Variants in ZNRF1 observed in about 807,000 individuals in gnomAD.
ZNRF1 encodes zinc and ring finger 1, also known as E3 ubiquitin-protein ligase ZNRF1.
Under a neutral mutation model 18.4 loss-of-function variants are expected in ZNRF1, and 3 were observed. The ratio of observed to expected loss-of-function variants is 0.16; its 90% confidence interval spans 0.07 to 0.42. The LOEUF (loss-of-function observed/expected upper bound fraction) is 0.42, where lower values mean the gene tolerates loss of function less well. Ranked by LOEUF, ZNRF1 falls within the 10% of genes least tolerant of loss-of-function variation. ZNRF1 has a pLI of 0.99. For missense variants in ZNRF1, 310 were observed against 329.8 expected (o/e 0.94, Z 0.47); for synonymous variants, 157 against 144.2 (o/e 1.09, Z -0.64).
intron 1 of ZNRF1, among the ~76,000 whole-genome samples, chr16:75,053,170 G>C (rs2035626965): frequency 6.6e-6 from 1 of 152,110 alleles, no homozygotes. Context: ...TAATAAAACT[G>C]GTTCAGGTGG....
intron 1 of ZNRF1, among the ~76,000 whole-genome samples, chr16:75,031,593 A>T (rs2035304778): frequency 6.6e-6 from 1 of 151,606 alleles, no homozygotes; most frequent in African/African-American, 2.4e-5. Flanking sequence ...CTGCAGCCTG[A>T]CCTCCAAAGC....
chr16:75,085,791 TGA>T (rs71378737), intron 1 of ZNRF1, among the ~76,000 whole-genome samples: 4,025 of 139,150 alleles, frequency 0.029, 127 homozygotes, highest in African/African-American at 0.087. Flanking sequence ...TCCGACAGAG[TGA>T]GAGAGAGAGA....
At chr16:75,104,440 T>G in intron 2 of ZNRF1, 1 of 213,848 alleles carries the variant, frequency 4.7e-6, no homozygotes, top group Non-Finnish European at 9.5e-6. Flanking sequence ...ACGTGTGTGT[T>G]TAGGAAAGCA....
intron 1 of ZNRF1, among the ~76,000 whole-genome samples, chr16:75,079,729 A>G (rs2035987049): frequency 6.6e-6 from 1 of 152,080 alleles, no homozygotes; most frequent in African/African-American, 2.4e-5. Flanking sequence ...TTCAAAACAC[A>G]GTTGTGGCCT....
intron 1 of ZNRF1, among the ~76,000 whole-genome samples, chr16:75,000,561 T>G (rs1275133848): frequency 6.6e-6 from 1 of 152,224 alleles, no homozygotes; most frequent in Non-Finnish European, 1.5e-5. Flanking sequence ...GGATTAGGGC[T>G]CTCACTCTTG....
chr16:75,067,485 T>G (rs1240177387), intron 1 of ZNRF1, among the ~76,000 whole-genome samples: 4 of 152,238 alleles, frequency 2.6e-5, no homozygotes, highest in Admixed American at 6.5e-5. Flanking sequence ...TTGGATTTTT[T>G]GAAGAAATCT....
chr16:75,058,085 T>A (rs568590740), intron 1 of ZNRF1, among the ~76,000 whole-genome samples: 1 of 149,148 alleles, frequency 6.7e-6, no homozygotes. Flanking sequence ...ATACTTGACC[T>A]GCCCTTTTTC....
chr16:75,049,678 A>G (rs1297066388), intron 1 of ZNRF1, among the ~76,000 whole-genome samples: 1 of 152,192 alleles, frequency 6.6e-6, no homozygotes, highest in Non-Finnish European at 1.5e-5. Flanking sequence ...TTACTTCTGT[A>G]CAGTAAGACT....
intron 1 of ZNRF1, among the ~76,000 whole-genome samples, chr16:75,068,969 C>A (rs1031640526): frequency 6.6e-6 from 1 of 151,818 alleles, no homozygotes; most frequent in Non-Finnish European, 1.5e-5. Context: ...ACCCCCTCCT[C>A]CCTCTCTTCA....
intron 1 of ZNRF1, among the ~76,000 whole-genome samples, chr16:75,033,281 A>T (rs1356144716): frequency 6.6e-6 from 1 of 151,122 alleles, no homozygotes; most frequent in East Asian, 1.9e-4. Flanking sequence ...AAAAAAAAGG[A>T]ATGCTTGCAG....
At chr16:75,038,231 A>G (rs1234531860) in intron 1 of ZNRF1, among the ~76,000 whole-genome samples, 1 of 152,176 alleles carries the variant, frequency 6.6e-6, no homozygotes, top group Non-Finnish European at 1.5e-5. Context: ...CTATGTGACT[A>G]ACAGCTGGGG....
chr16:75,001,676 A>G (rs1426739958), intron 1 of ZNRF1, among the ~76,000 whole-genome samples: 1 of 152,228 alleles, frequency 6.6e-6, no homozygotes, highest in South Asian at 2.1e-4. Context: ...AAAGTACTGT[A>G]AGAAGTTTCT....
intron 1 of ZNRF1, among the ~76,000 whole-genome samples, chr16:75,085,321 G>T (rs192489247): frequency 2.0e-5 from 3 of 152,126 alleles, no homozygotes; most frequent in Non-Finnish European, 4.4e-5. Flanking sequence ...TTCACTTGGC[G>T]TGTTTTAATT....
intron 1 of ZNRF1, among the ~76,000 whole-genome samples, chr16:75,038,649 GAGCCCCACTGTA>G (rs980792816): frequency 6.6e-6 from 1 of 152,166 alleles, no homozygotes; most frequent in Non-Finnish European, 1.5e-5. Flanking sequence ...TGGGGAGCTT[GAGCCCCACTGTA>G]AGCCAGTTAA....
intron 3 of ZNRF1, 61 bp downstream of exon 3, chr16:75,104,950 C>G (rs1207254744): frequency 1.5e-6 from 2 of 1,364,128 alleles, no homozygotes; most frequent in African/African-American, 2.9e-5. Context: ...GGACCCCCAT[C>G]TCCAGCCATT....
intron 2 of ZNRF1, chr16:75,104,461 G>T (rs1013151267): frequency 1.3e-5 from 3 of 225,944 alleles, no homozygotes; most frequent in African/African-American, 2.3e-5. Flanking sequence ...TCTGTGGAGG[G>T]AAACAGCTTG....
At chr16:75,038,345 C>T (rs563402175) in intron 1 of ZNRF1, among the ~76,000 whole-genome samples, 27 of 152,286 alleles carry the variant, frequency 1.8e-4, no homozygotes, top group African/African-American at 5.1e-4. Flanking sequence ...TTCTCTCTCT[C>T]GCTGTGGCTG....
chr16:75,073,412 T>A (rs2035898647), intron 1 of ZNRF1, among the ~76,000 whole-genome samples: 2 of 152,102 alleles, frequency 1.3e-5, no homozygotes, highest in Admixed American at 1.3e-4. Flanking sequence ...CAGGCTGCTG[T>A]CTTGGTTTTA....
In ZNRF1 at chr16:75,108,533, T is replaced by G. The variant is rs1407916859; in HGVS notation, c.*833T>G. 3 of 398,774 alleles carry G rather than the reference T, an allele frequency of 7.5e-6. No homozygotes were observed. The highest frequency in any genetic ancestry group is 6.2e-5 in the African/African-American group (3 of 48,630). 24.7% of individuals were successfully genotyped at this position (398,774 alleles called of 1,614,324 possible). On this transcript the variant is annotated 3_prime_UTR_variant, in exon 5 of 5. Coordinates refer to ENST00000335325, the MANE Select transcript of ZNRF1 (RefSeq NM_032268.5). ...TTTCAGGCACTATGTTTGAGAACAT[T>G]TTAGCCATTGATGTTCACACGTGGC...
Sources: gnomAD v4.1 joint callset for allele counts (sites outside exome capture counted in the v4.1 genomes callset) on GRCh38, gnomAD v4.1.1 for gene constraint, MANE v1.5 for transcripts, NCBI Gene and HGNC (gene_info 2026-07-23, HGNC 2026-07-21) for gene names.